Variants in DMD observed in about 807,000 individuals in gnomAD.
DMD encodes the protein dystrophin, also known as mutant dystrophin.
In DMD, 63 loss-of-function variants were observed where a neutral mutation model predicts 330.1. That is an observed-to-expected ratio of 0.19 (90% CI 0.16 to 0.24). The LOEUF (loss-of-function observed/expected upper bound fraction) is 0.24, where lower values mean the gene tolerates loss of function less well. Ranked by LOEUF, DMD falls within the 10% of genes least tolerant of loss-of-function variation. The probability of loss-of-function intolerance (pLI) is 1.00; values close to 1 mark genes in which losing one functional copy is unlikely to be tolerated. For synonymous variants in DMD, 1,223 were observed against 959.8 expected (o/e 1.27, Z -5.07); for missense variants, 3,344 against 2,684.1 (o/e 1.25, Z -5.43).
At chrX:31,951,161 A>T (rs776998146) in intron 45 of DMD, among the ~76,000 whole-genome samples, 1 of 86,933 alleles carries the variant, frequency 1.2e-5, no homozygotes, top group African/African-American at 4.7e-5. Context: ...ATATATATGT[A>T]TATATATATA....
At chrX:32,195,084 T>C (rs1383468719) in intron 44 of DMD, among the ~76,000 whole-genome samples, 7 of 111,117 alleles carry the variant, frequency 6.3e-5, no homozygotes, top group African/African-American at 2.3e-4. Context: ...AAATTCAAAA[T>C]AAATTTTTGG....
rs190400275 is a variant in DMD at position 32,515,996 on chromosome X, G to C, written c.2292+2012C>G. Among the ~76,000 whole-genome samples, 26 of 110,801 alleles carry C rather than the reference G, an allele frequency of 2.3e-4. No homozygotes were observed. In the East Asian group the frequency reaches 7.1e-3, roughly 30 times the overall value. On this transcript the variant is annotated intron_variant, in intron 18 of 78. Coordinates refer to ENST00000357033, the MANE Select transcript of DMD (RefSeq NM_004006.3). The stretch of plus-strand genomic sequence containing the variant: ...AATATGTGAAATTGAACTGATAATG[G>C]CCTATGATATGCTAACTGGCTAAAA...
intron 11 of DMD, among the ~76,000 whole-genome samples, chrX:32,627,307 G>A (rs2058416304): frequency 9.7e-6 from 1 of 103,348 alleles, no homozygotes; most frequent in East Asian, 2.9e-4. Flanking sequence ...GGATCAGGAT[G>A]CACAAACATG....
chrX:33,010,226 G>GTGTGTATATGTACATATGTT lies in DMD; in HGVS notation c.93+9912_93+9913insAACATATGTACATATACACA, dbSNP rs1353634494. 4.0e-4 allele frequency among the ~76,000 whole-genome samples: 43 copies of GTGTGTATATGTACATATGTT among 106,547 alleles called. 2 individuals carry two copies. Among genetic ancestry groups the GTGTGTATATGTACATATGTT allele is most frequent in the Non-Finnish European group, 7.3e-4 (38 of 51,772 alleles). The allele number at this position is 106,547 out of a possible 115,157, so 92.5% of individuals were successfully genotyped here. ...TATGTGTGTGTATATGTACATATGTGTGTATATATGTACATATGTGTGTAT... is the reference window on the plus strand; with the variant it reads ...TATGTGTGTGTATATGTACATATGTGTGTGTATATGTACATATGTTTGTATATATGTACATATGTGTGTAT... On this transcript the variant is annotated intron_variant, in intron 2 of 78. Transcript: ENST00000357033.
chrX:32,984,551 G>C (rs1305318548), intron 2 of DMD, among the ~76,000 whole-genome samples: 1 of 111,626 alleles, frequency 9.0e-6, no homozygotes, highest in Non-Finnish European at 1.9e-5. Flanking sequence ...CACCGTGCCC[G>C]GCCCACCTCT....
chrX:31,206,527 T>C (rs1054839921), intron 66 of DMD, 55 bp downstream of exon 66: 2 of 985,890 alleles, frequency 2.0e-6, no homozygotes, highest in Admixed American at 2.4e-5. Context: ...CATCTAGAAC[T>C]AGGGTAATTA....
At chrX:32,862,693 A>G (rs1053982264) in intron 2 of DMD, among the ~76,000 whole-genome samples, 7 of 111,681 alleles carry the variant, frequency 6.3e-5, no homozygotes, top group African/African-American at 2.3e-4. Flanking sequence ...GATTATACTA[A>G]TTACACCACC....
intron 1 of DMD, among the ~76,000 whole-genome samples, chrX:33,051,276 A>G (rs2094453159): frequency 9.5e-6 from 1 of 105,189 alleles, no homozygotes; most frequent in Middle Eastern, 4.3e-3. Flanking sequence ...CAGTGTTTCA[A>G]TCTCGGCTCA....
At chrX:31,129,006 G>A (rs901929088) in intron 77 of DMD, among the ~76,000 whole-genome samples, 8 of 110,629 alleles carry the variant, frequency 7.2e-5, no homozygotes, top group African/African-American at 2.6e-4. Context: ...ATGAGTTTCT[G>A]TAGACCTTCA....
At chrX:33,281,232 G>T (rs748150759) in intron 1 of DMD, among the ~76,000 whole-genome samples, 3 of 93,188 alleles carry the variant, frequency 3.2e-5, no homozygotes, top group Admixed American at 1.3e-4. Context: ...TTTTTGAGAC[G>T]GAGTCTCACT....
chrX:32,831,355 T>G (rs1023893871), intron 4 of DMD, among the ~76,000 whole-genome samples: 1 of 111,212 alleles, frequency 9.0e-6, no homozygotes, highest in Non-Finnish European at 1.9e-5. Flanking sequence ...TAAGAATACT[T>G]AAGAAAAACT....
chrX:31,819,477 GGTT>G (rs1158089906), intron 50 of DMD, among the ~76,000 whole-genome samples: 1 of 112,447 alleles, frequency 8.9e-6, no homozygotes, highest in Non-Finnish European at 1.9e-5. Flanking sequence ...TAGGAATATT[GGTT>G]GTTAATGGTG....
intron 48 of DMD, among the ~76,000 whole-genome samples, chrX:31,858,789 T>C (rs2093655856): frequency 9.0e-6 from 1 of 110,701 alleles, no homozygotes; most frequent in Admixed American, 9.7e-5. Flanking sequence ...GGCCACAGTT[T>C]ATCTTGCTTT....
At chrX:32,996,904 A>T (rs1242180406) in intron 2 of DMD, among the ~76,000 whole-genome samples, 2 of 112,365 alleles carry the variant, frequency 1.8e-5, no homozygotes, top group South Asian at 7.3e-4. Flanking sequence ...ACATGTTCTA[A>T]TAACATATTT....
intron 60 of DMD, among the ~76,000 whole-genome samples, chrX:31,358,669 T>A (rs760626200): frequency 8.9e-5 from 10 of 112,736 alleles, no homozygotes; most frequent in Non-Finnish European, 1.7e-4. Flanking sequence ...AATAAAGGAT[T>A]CTTTTTCTTT....
chrX:31,827,925 A>G (rs183025629), intron 49 of DMD, among the ~76,000 whole-genome samples: 2 of 112,129 alleles, frequency 1.8e-5, no homozygotes, highest in Non-Finnish European at 3.8e-5. Context: ...CAGTGCTAAG[A>G]GGAAAGTTCA....
At position 32,650,484 on chromosome X, in the gene DMD, C is replaced by T. The variant is rs193174671; in HGVS notation, c.961-5332G>A. Among the ~76,000 whole-genome samples, 439 of 111,466 alleles carry T rather than the reference C, an allele frequency of 3.9e-3. 5 individuals carry two copies. The highest frequency in any genetic ancestry group is 0.031 in the Admixed American group (323 of 10,475). ...AAAGGATTACAGAGGGATAACCAAG[C>T]GGTTCTTTCACTAAATAACAGAAGA... On this transcript the variant is annotated intron_variant, in intron 9 of 78. Coordinates refer to ENST00000357033, the MANE Select transcript of DMD (RefSeq NM_004006.3).
chrX:32,420,937 G>A (rs1334199211), intron 29 of DMD, among the ~76,000 whole-genome samples: 1 of 111,318 alleles, frequency 9.0e-6, no homozygotes, highest in Non-Finnish European at 1.9e-5. Flanking sequence ...AATACTCTAA[G>A]GCCAGTGTTC....
chrX:32,800,506 A>G (rs191651941), intron 7 of DMD, among the ~76,000 whole-genome samples: 327 of 112,200 alleles, frequency 2.9e-3, no homozygotes, highest in African/African-American at 0.01. Flanking sequence ...TTTTAAAAAT[A>G]TATGACTTAT....
Sources: allele counts gnomAD v4.1 joint callset (sites outside exome capture counted in the v4.1 genomes callset), GRCh38; gene constraint gnomAD v4.1.1; transcripts MANE v1.5; gene names NCBI Gene and HGNC (gene_info 2026-07-23, HGNC 2026-07-21).